The following LMOD3 variants were observed in gnomAD, a reference collection of about 807,000 sequenced individuals.
LMOD3 encodes the protein leiomodin-3.
A neutral mutation model predicts 41.8 loss-of-function variants in LMOD3; 31 were observed. That is an observed-to-expected ratio of 0.74 (90% CI 0.56 to 1.00). The LOEUF (loss-of-function observed/expected upper bound fraction) is 1.00. Among genes scored for constraint, LMOD3 ranks in the 50% least tolerant of loss-of-function variants. LMOD3 has a pLI of 0.00. For missense variants in LMOD3, 755 were observed against 679.5 expected (o/e 1.11, Z -1.23); for synonymous variants, 292 against 241.9 (o/e 1.21, Z -1.92).
rs2092343852 is a variant in LMOD3, at chr3:69,110,548, A to G, written c.1657-1427T>C. Among the ~76,000 whole-genome samples, 3 of 149,884 alleles carry G rather than the reference A, an allele frequency of 2.0e-5. No individual in the cohort carries two copies. In the South Asian group the frequency reaches 6.6e-4, roughly 33 times the overall value. ...CCCAGCCACCTGATTTTCTTAAAAG[A>G]GTTTTATAACAAGGCTGGGCGCGGT... On this transcript the variant is annotated intron_variant, in intron 2 of 2. Transcript: ENST00000420581.
intron 2 of LMOD3, among the ~76,000 whole-genome samples, chr3:69,116,936 A>G (rs1013207855): frequency 6.6e-6 from 1 of 152,200 alleles, no homozygotes; most frequent in South Asian, 2.1e-4. Context: ...AGATTTTTTC[A>G]AAAGACGTCT....
At chr3:69,113,883 G>A (rs1486948833) in intron 2 of LMOD3, among the ~76,000 whole-genome samples, 1 of 152,160 alleles carries the variant, frequency 6.6e-6, no homozygotes, top group Non-Finnish European at 1.5e-5. Context: ...GGAGGGATAG[G>A]CCTATACCAG....
In LMOD3 at chr3:69,119,023, C is replaced by T. The variant is rs765589286; in HGVS notation, c.1332G>A (p.Gln444=). ...LGGPKPDSRM[Q]EFFQPPPPRP... ...GAGGTGGCGGTGGCTGGAAGAATTC[C>T]TGCATTCTGGAATCTGGCTTGGGTC... The change falls in exon 2 of 3, where the codon CAG becomes CAA. Residue 444 remains glutamine (Q), a synonymous_variant. Coordinates refer to ENST00000420581, the MANE Select transcript of LMOD3 (RefSeq NM_198271.5). 1 of 1,613,596 alleles carries T rather than the reference C, an allele frequency of 6.2e-7. No individual in the cohort carries two copies. Among genetic ancestry groups the T allele is most frequent in the Admixed American group, 1.7e-5 (1 of 59,970 alleles).
intron 2 of LMOD3, among the ~76,000 whole-genome samples, chr3:69,110,851 A>ATATATAT (rs1229866841): frequency 2.8e-4 from 34 of 120,786 alleles, no homozygotes; most frequent in African/African-American, 1.3e-3. Context: ...AAAAAAAAAA[A>ATATATAT]AAATATATAT....
rs1652764923 is a variant in LMOD3 at position 69,107,054 on chromosome 3, G to C, written c.*2041C>G. ...CATTAAGCTTTTAATTATGTTTAAA[G>C]TGCTTTTCCTATCAGAGTTTAGCCT... is the stretch of plus-strand genomic sequence containing the variant. On this transcript the variant is annotated 3_prime_UTR_variant, in exon 3 of 3. Coordinates refer to ENST00000420581, the MANE Select transcript of LMOD3 (RefSeq NM_198271.5). The C allele has an allele frequency of 6.6e-6, 1 of 151,718 alleles. No homozygotes were observed. The highest frequency in any genetic ancestry group is 6.6e-5 in the Admixed American group (1 of 15,214). The allele number at this position is 151,718 out of a possible 1,614,324, so 9.4% of individuals were successfully genotyped here.
In LMOD3 at chr3:69,122,096, G is replaced by A. The variant is rs757934544; in HGVS notation, c.291C>T (p.Ser97=). 6.8e-6 allele frequency: 11 copies of A among 1,608,922 alleles called. No homozygotes were observed. The highest frequency in any genetic ancestry group is 3.3e-5 in the South Asian group (3 of 90,250). ...TTGTACACAAATCTCTGGTTACCTC[G>A]GATTTCACAAAGGTGACAGGAACTC... ...EERVPVTFVK[S]EEKTQEEHEE... Residue 97 remains serine, a synonymous_variant, in exon 1 of 3, where the codon TCC becomes TCT. Coordinates refer to ENST00000420581, the MANE Select transcript of LMOD3 (RefSeq NM_198271.5).
chr3:69,119,963 T>C lies in LMOD3; in HGVS notation c.392A>G (p.Lys131Arg), dbSNP rs779719094. The change falls in exon 2 of 3, where the codon AAA becomes AGA. Residue 131 changes from lysine (K) to arginine (R), a missense_variant. Coordinates refer to ENST00000420581, the MANE Select transcript of LMOD3 (RefSeq NM_198271.5). ...ATTGCTGCTGCCCTTTGATTCTCTT[T>C]TATTTGCAACTATTTCATTATTGAG... is the stretch of plus-strand genomic sequence containing the variant. ...EKLNNEIVAN[K>R]RESKGSSNIQ... 7 of 1,585,224 alleles carry C rather than the reference T, an allele frequency of 4.4e-6. No individual in the cohort carries two copies. Among genetic ancestry groups the C allele is most frequent in the Non-Finnish European group, 6.0e-6 (7 of 1,163,864 alleles).
At chr3:69,110,620 T>C (rs987212146) in intron 2 of LMOD3, among the ~76,000 whole-genome samples, 12 of 147,802 alleles carry the variant, frequency 8.1e-5, no homozygotes, top group Non-Finnish European at 1.6e-4. Context: ...AGGTGGGCGG[T>C]TCTCCTGAGG....
intron 1 of LMOD3, 57 bp downstream of exon 1, chr3:69,122,036 G>T: frequency 1.4e-6 from 2 of 1,402,100 alleles, no homozygotes; most frequent in South Asian, 2.6e-5. Context: ...ACAACAGAGA[G>T]ACCTAACAGC....
intron 2 of LMOD3, among the ~76,000 whole-genome samples, chr3:69,115,480 T>TCAAA: frequency 8.0e-6 from 1 of 125,118 alleles, no homozygotes; most frequent in East Asian, 2.8e-4. Flanking sequence ...AGATCCTGCC[T>TCAAA]CAAACACACA....
chr3:69,106,355 A>ATTAT lies in LMOD3; in HGVS notation c.*2739_*2740insATAA. On this transcript the variant is annotated 3_prime_UTR_variant, in exon 3 of 3. Coordinates refer to ENST00000420581, the MANE Select transcript of LMOD3 (RefSeq NM_198271.5). Reference sequence around the variant, plus strand: ...AAATCCAATAAATTTGGAGAAACTAATAAAAAAAAAGATACCTGTAATTAC... The same window carrying ATTAT: ...AAATCCAATAAATTTGGAGAAACTAATTATTAAAAAAAAAGATACCTGTAATTAC... Among the ~76,000 whole-genome samples, 1 of 152,130 alleles carries ATTAT rather than the reference A, an allele frequency of 6.6e-6. No individual in the cohort carries two copies. Among genetic ancestry groups the ATTAT allele is most frequent in the African/African-American group, 2.4e-5 (1 of 41,382 alleles).
Position 69,108,414 on chromosome 3 carries a change from T to C in LMOD3, c.*681A>G, listed in dbSNP as rs969840116. ...TTTACTTTCCCATTACTTTTCCTAG[T>C]GACACTTAGTTTTCACCATGTTCTG... On this transcript the variant is annotated 3_prime_UTR_variant, in exon 3 of 3. Transcript: ENST00000420581. The C allele has an allele frequency of 1.3e-5, 2 of 152,194 alleles. No homozygotes were observed. Among genetic ancestry groups the C allele is most frequent in the African/African-American group, 2.4e-5 (1 of 41,442 alleles). The allele number at this position is 152,194 out of a possible 1,614,324, so 9.4% of individuals were successfully genotyped here. A position where few individuals can be genotyped will look rare whatever the true frequency, so the allele number is the denominator to read the frequency against.
In LMOD3 at chr3:69,122,454, A is replaced by C. The variant is rs1415370544; in HGVS notation, c.-68T>G. 2.4e-6 allele frequency: 3 copies of C among 1,244,232 alleles called. No individual in the cohort carries two copies. In the East Asian group the frequency reaches 7.6e-5, roughly 32 times the overall value. The allele number at this position is 1,244,232 out of a possible 1,614,324, so 77.1% of individuals were successfully genotyped here. On this transcript the variant is annotated 5_prime_UTR_variant, in exon 1 of 3. Coordinates refer to ENST00000420581, the MANE Select transcript of LMOD3 (RefSeq NM_198271.5). ...AAAGATGATTTTTAAAAAGAAGGAA[A>C]AAAGCCTCAAGAAGGTCCCCCAGTT...
At position 69,115,603 on chromosome 3, in the gene LMOD3, A is replaced by G. The variant is rs1478437999; in HGVS notation, c.1656+3096T>C. On this transcript the variant is annotated intron_variant, in intron 2 of 2. Coordinates refer to ENST00000420581, the MANE Select transcript of LMOD3 (RefSeq NM_198271.5). ...CACACAGAGAACCCCACAAGGTTTCAAAACTGTGTTTTAATTTTAACCTCG... is the reference window on the plus strand; with the variant it reads ...CACACAGAGAACCCCACAAGGTTTCGAAACTGTGTTTTAATTTTAACCTCG... Among the ~76,000 whole-genome samples, 7 of 152,138 alleles carry G rather than the reference A, an allele frequency of 4.6e-5. No individual in the cohort carries two copies. In the South Asian group the frequency reaches 1.4e-3, roughly 32 times the overall value.
rs1208615066 is a variant in LMOD3, at chr3:69,122,421, G to T, written c.-35C>A. 2.1e-6 allele frequency: 3 copies of T among 1,396,104 alleles called. No individual in the cohort carries two copies. The highest frequency in any genetic ancestry group is 1.5e-5 in the African/African-American group (1 of 68,162). The allele number at this position is 1,396,104 out of a possible 1,614,324, so 86.5% of individuals were successfully genotyped here. ...TAAATATTATTTTACTAGAAAAGAA[G>T]AATAATCAAAGATGATTTTTAAAAA... On this transcript the variant is annotated 5_prime_UTR_variant, in exon 1 of 3. Coordinates refer to ENST00000420581, the MANE Select transcript of LMOD3 (RefSeq NM_198271.5).
chr3:69,109,827 A>G (rs1423541006), intron 2 of LMOD3, among the ~76,000 whole-genome samples: 1 of 151,794 alleles, frequency 6.6e-6, no homozygotes, highest in Non-Finnish European at 1.5e-5. Context: ...CCGGCCTAAC[A>G]CTTATTTTTA....
At position 69,119,391 on chromosome 3, in the gene LMOD3, T is replaced by G; in HGVS notation, c.964A>C (p.Ile322Leu). 1 of 1,614,010 alleles carries G rather than the reference T, an allele frequency of 6.2e-7. No homozygotes were observed. The highest frequency in any genetic ancestry group is 8.5e-7 in the Non-Finnish European group (1 of 1,179,882). The change falls in exon 2 of 3, where the codon ATC becomes CTC. Residue 322 changes from isoleucine (I) to leucine (L), a missense_variant. Transcript: ENST00000420581. ...ITTLNIESNFITGKGIVAIMR... is the reference protein window; with the variant it reads ...ITTLNIESNFLTGKGIVAIMR... ...ATGGCCACAATCCCTTTACCTGTGA[T>G]GAAATTGGACTCGATGTTGAGAGTG... is the stretch of plus-strand genomic sequence containing the variant.
In LMOD3 at chr3:69,119,857, A is replaced by C. The variant is rs1199367918; in HGVS notation, c.498T>G (p.Ser166Arg). The stretch of plus-strand genomic sequence containing the variant: ...CTTCCTCTTCTCTGTTCGTTTCTTC[A>C]CTCTCTTCACCATCATCTTCTCCTT... ...DDEGEDDGEE[S>R]EETNREEEGK... Residue 166 changes from serine to arginine, a missense_variant, in exon 2 of 3, where the codon AGT becomes AGG. Transcript: ENST00000420581. The C allele has an allele frequency of 6.4e-7, 1 of 1,556,612 alleles. No homozygotes were observed. The highest frequency in any genetic ancestry group is 8.7e-7 in the Non-Finnish European group (1 of 1,148,756).
chr3:69,116,911 T>C (rs1187348885), intron 2 of LMOD3, among the ~76,000 whole-genome samples: 2 of 152,252 alleles, frequency 1.3e-5, no homozygotes, highest in African/African-American at 4.8e-5. Flanking sequence ...CGAACTTACA[T>C]GCCACCTTTG....
Sources: allele counts gnomAD v4.1 joint callset (sites outside exome capture counted in the v4.1 genomes callset), GRCh38; gene constraint gnomAD v4.1.1; transcripts MANE v1.5; gene names NCBI Gene and HGNC (gene_info 2026-07-23, HGNC 2026-07-21).